The following RIN3 variants were observed in gnomAD, a reference collection of about 807,000 sequenced individuals.
The protein encoded by RIN3 is Ras and Rab interactor 3.
RIN3 carries 54 observed loss-of-function variants against 76.3 expected under a neutral mutation model. The ratio of observed to expected loss-of-function variants is 0.71; its 90% CI spans 0.57 to 0.89. The LOEUF (loss-of-function observed/expected upper bound fraction) is 0.89. Ranked by LOEUF, RIN3 falls within the 40% of genes least tolerant of loss-of-function variation. The pLI is 0.00. For missense variants in RIN3, 1,256 were observed against 1,322.1 expected, an observed-to-expected ratio of 0.95 and a Z score of 0.78; for synonymous variants, 576 against 564.0, an observed-to-expected ratio of 1.02 and a Z score of -0.30.
At chr14:92,647,072 T>C (rs1395823662) in intron 5 of RIN3, among the ~76,000 whole-genome samples, 2 of 152,236 alleles carry the variant, frequency 1.3e-5, no homozygotes, top group African/African-American at 4.8e-5. Context: ...ATCAGTTTTA[T>C]TTGTTTGGCA....
chr14:92,581,392 G>C (rs1898432529), intron 3 of RIN3, among the ~76,000 whole-genome samples: 1 of 152,192 alleles, frequency 6.6e-6, no homozygotes, highest in Non-Finnish European at 1.5e-5. Context: ...AGAGCCAGCT[G>C]TGCTCTTGAA....
intron 5 of RIN3, among the ~76,000 whole-genome samples, chr14:92,646,072 A>G (rs1887187808): frequency 4.6e-5 from 7 of 152,166 alleles, no homozygotes; most frequent in Admixed American, 3.3e-4. Context: ...GTGGTATCTC[A>G]ATAAAGCTAT....
intron 2 of RIN3, among the ~76,000 whole-genome samples, chr14:92,569,696 A>G (rs1246454505): frequency 6.6e-6 from 1 of 152,110 alleles, no homozygotes; most frequent in African/African-American, 2.4e-5. Flanking sequence ...GAGCTGATTC[A>G]ATGCAGAGAA....
intron 1 of RIN3, among the ~76,000 whole-genome samples, chr14:92,516,056 G>T (rs1896432688): frequency 6.6e-6 from 1 of 152,128 alleles, no homozygotes; most frequent in Admixed American, 6.5e-5. Flanking sequence ...TAGCTTTCAG[G>T]GGGTAGGGAG....
intron 1 of RIN3, among the ~76,000 whole-genome samples, chr14:92,519,958 A>C (rs747996244): frequency 6.6e-6 from 1 of 152,208 alleles, no homozygotes; most frequent in South Asian, 2.1e-4. Context: ...CTCTCCTGCC[A>C]GTAGGGCCTC....
At chr14:92,589,070 G>T (rs1884887132) in intron 3 of RIN3, among the ~76,000 whole-genome samples, 1 of 152,094 alleles carries the variant, frequency 6.6e-6, no homozygotes, top group African/African-American at 2.4e-5. Flanking sequence ...TTCCCTGCAA[G>T]GCTACTTAGG....
rs551188800 is a variant in RIN3 at position 92,645,507 on chromosome 14, A to G, written c.532+4178A>G. 5.4e-3 allele frequency among the ~76,000 whole-genome samples: 829 copies of G among 152,368 alleles called. 8 individuals are homozygous for G. Among genetic ancestry groups the G allele is most frequent in the Non-Finnish European group, 9.7e-3 (662 of 68,040 alleles). On this transcript the variant is annotated intron_variant, in intron 5 of 9. Coordinates refer to ENST00000216487, the MANE Select transcript of RIN3 (RefSeq NM_024832.5). ...TGCTAAGTGAAGGGAGCTGATACAAAAGACCACATATGCTACAGTTCCATT... is the reference window on the plus strand; with the variant it reads ...TGCTAAGTGAAGGGAGCTGATACAAGAGACCACATATGCTACAGTTCCATT...
At chr14:92,606,526 C>T (rs370720605) in intron 3 of RIN3, among the ~76,000 whole-genome samples, 12 of 151,922 alleles carry the variant, frequency 7.9e-5, no homozygotes, top group African/African-American at 2.2e-4. Flanking sequence ...GTCTGGGTAA[C>T]GGAGCAGGAC....
intron 3 of RIN3, among the ~76,000 whole-genome samples, chr14:92,579,227 C>T (rs1480005436): frequency 1.3e-5 from 2 of 152,232 alleles, no homozygotes; most frequent in East Asian, 3.8e-4. Context: ...CGTGCCCGGC[C>T]CTGAGCCATA....
chr14:92,577,406 G>C lies in RIN3; in HGVS notation c.296G>C (p.Cys99Ser). 5 of 1,613,842 alleles carry C rather than the reference G, an allele frequency of 3.1e-6. No individual in the cohort carries two copies. The highest frequency in any genetic ancestry group is 4.2e-6 in the Non-Finnish European group (5 of 1,179,840). The change falls in exon 3 of 10, where the codon TGT becomes TCT. Residue 99 changes from cysteine (C) to serine (S), a missense_variant. Around this residue, in one of 3 missense-constraint regions of RIN3, gnomAD observed 610 missense variants for 626.4 expected, o/e 0.97. Transcript: ENST00000216487. ...RDSSSKQLVLCVHFPSLNESS... is the reference protein window; with the variant it reads ...RDSSSKQLVLSVHFPSLNESS... ...AGCAGCTCGAAGCAGCTGGTGCTCTGTGTCCACTTTCCTTCTCTGAACGAA... is the reference window on the plus strand; with the variant it reads ...AGCAGCTCGAAGCAGCTGGTGCTCTCTGTCCACTTTCCTTCTCTGAACGAA...
At chr14:92,642,783 G>T (rs1449293382) in intron 5 of RIN3, among the ~76,000 whole-genome samples, 2 of 151,728 alleles carry the variant, frequency 1.3e-5, no homozygotes, top group African/African-American at 4.9e-5. Context: ...AGGCAGCCAT[G>T]GTCAGGGGCC....
intron 8 of RIN3, among the ~76,000 whole-genome samples, chr14:92,678,837 C>A (rs1888568072): frequency 6.6e-6 from 1 of 152,208 alleles, no homozygotes; most frequent in African/African-American, 2.4e-5. Flanking sequence ...GGACTTCTAC[C>A]TCATCAGGAC....
chr14:92,527,445 A>G (rs1896768884), intron 1 of RIN3, among the ~76,000 whole-genome samples: 1 of 151,904 alleles, frequency 6.6e-6, no homozygotes, highest in African/African-American at 2.4e-5. Flanking sequence ...TCTGCAACAA[A>G]CCTATTTCCA....
chr14:92,577,101 C>T (rs896492028), intron 2 of RIN3, among the ~76,000 whole-genome samples: 1 of 152,138 alleles, frequency 6.6e-6, no homozygotes, highest in African/African-American at 2.4e-5. Flanking sequence ...CCTCCAATAC[C>T]CTTATAGAAA....
chr14:92,632,519 A>C (rs1886624561), intron 4 of RIN3, among the ~76,000 whole-genome samples: 1 of 152,194 alleles, frequency 6.6e-6, no homozygotes, highest in African/African-American at 2.4e-5. Context: ...AAAACGATCA[A>C]GCATGTTCTT....
At chr14:92,664,360 CTTTCTT>C (rs1566894651) in intron 7 of RIN3, among the ~76,000 whole-genome samples, 1 of 97,064 alleles carries the variant, frequency 1.0e-5, no homozygotes, top group Non-Finnish European at 2.3e-5. Flanking sequence ...TTCTTTCTTT[CTTTCTT>C]TTTTTTTTTT....
intron 2 of RIN3, among the ~76,000 whole-genome samples, chr14:92,557,589 C>T (rs1480873420): frequency 6.6e-6 from 1 of 152,242 alleles, no homozygotes; most frequent in East Asian, 1.9e-4. Context: ...ATTACTAGAA[C>T]TTATGGGGCC....
chr14:92,632,729 A>G (rs962939601), intron 4 of RIN3, among the ~76,000 whole-genome samples: 1 of 152,100 alleles, frequency 6.6e-6, no homozygotes, highest in Non-Finnish European at 1.5e-5. Flanking sequence ...CACATATGGG[A>G]GACTTGTGGC....
intron 3 of RIN3, among the ~76,000 whole-genome samples, chr14:92,610,513 C>A (rs1184853826): frequency 6.6e-6 from 1 of 152,192 alleles, no homozygotes; most frequent in African/African-American, 2.4e-5. Flanking sequence ...CTGCTCCTGC[C>A]CCGGCTGTAG....
Sources: allele counts gnomAD v4.1 joint callset (sites outside exome capture counted in the v4.1 genomes callset), GRCh38; gene constraint gnomAD v4.1.1; regional missense constraint gnomAD v4.1.1; transcripts MANE v1.5; gene names NCBI Gene and HGNC (gene_info 2026-07-23, HGNC 2026-07-21).